The following ABCA12 variants were observed in gnomAD, a reference collection of about 807,000 sequenced individuals.
ABCA12 encodes the protein glucosylceramide transporter ABCA12.
A neutral mutation model predicts 293.5 loss-of-function variants in ABCA12; 156 were observed. The observed-to-expected ratio is 0.53, with a 90% CI of 0.47 to 0.61. The LOEUF is 0.61. Ranked by LOEUF, ABCA12 falls within the 20% of genes least tolerant of loss-of-function variation. The pLI is 0.00. For synonymous variants in ABCA12, 1,063 were observed against 1,108.0 expected (o/e 0.96, Z 0.81); for missense variants, 2,797 against 3,090.2 (o/e 0.91, Z 2.25).
At chr2:215,044,055 T>C (rs1701155090) in intron 7 of ABCA12, among the ~76,000 whole-genome samples, 1 of 141,852 alleles carries the variant, frequency 7.0e-6, no homozygotes, top group Admixed American at 6.6e-5. Flanking sequence ...CCACAATTTG[T>C]TTTGCCATTT....
intron 1 of ABCA12, among the ~76,000 whole-genome samples, chr2:215,128,848 A>G (rs963449445): frequency 1.3e-5 from 2 of 151,820 alleles, no homozygotes; most frequent in Non-Finnish European, 2.9e-5. Context: ...AACTAGTGTG[A>G]TTTTCTGGGG....
chr2:215,100,066 G>C (rs1702325784), intron 2 of ABCA12, among the ~76,000 whole-genome samples: 1 of 150,912 alleles, frequency 6.6e-6, no homozygotes. Context: ...CAGGCCTGGA[G>C]TACAGTGGCA....
chr2:214,958,556 G>A (rs1699022735), intron 40 of ABCA12, 102 bp from the exon 41 acceptor site: 1 of 1,302,978 alleles, frequency 7.7e-7, no homozygotes, highest in East Asian at 2.5e-5. Flanking sequence ...CAGTACAAGA[G>A]TTGGCTGTGA....
chr2:215,011,773 T>A, intron 16 of ABCA12, 124 bp from the exon 17 acceptor site: 1 of 1,166,698 alleles, frequency 8.6e-7, no homozygotes, highest in Non-Finnish European at 1.3e-6. Context: ...TCCTTTTATA[T>A]GTTTATTCCA....
intron 45 of ABCA12, among the ~76,000 whole-genome samples, chr2:214,949,377 T>TACACACAC (rs368602071): frequency 1.4e-3 from 196 of 143,130 alleles, no homozygotes; most frequent in African/African-American, 4.8e-3. Flanking sequence ...TATATATATA[T>TACACACAC]ACACACACAC....
chr2:215,075,745 C>T lies in ABCA12; in HGVS notation c.164-11526G>A, dbSNP rs1701822471. ...GGAGAAAACAAATTTTAGTAATTAC[C>T]CCAATAGAGGTATGTTACTAACAAC... On this transcript the variant is annotated intron_variant, in intron 2 of 52. Transcript: ENST00000272895. 16 of 571,470 alleles carry T rather than the reference C, an allele frequency of 2.8e-5. No homozygotes were observed. The South Asian group carries it at 3.5e-4, about 12-fold the overall frequency. 35.4% of individuals were successfully genotyped at this position (571,470 alleles called of 1,614,324 possible).
chr2:214,935,818 A>G lies in ABCA12; in HGVS notation c.7543-1603T>C, dbSNP rs1031562719. ...TGTCTTAAAAAAAATTTTTTTTAAG[A>G]ATTAAGAAAGCTATTCTTTCCTAGA... On this transcript the variant is annotated intron_variant, in intron 51 of 52. Transcript: ENST00000272895. 2.0e-5 allele frequency among the ~76,000 whole-genome samples: 3 copies of G among 152,188 alleles called. 1 individual carries two copies. Among genetic ancestry groups the G allele is most frequent in the Non-Finnish European group, 4.4e-5 (3 of 68,036 alleles).
At chr2:215,050,920 G>A in intron 5 of ABCA12, 1 of 555,282 alleles carries the variant, frequency 1.8e-6, no homozygotes, top group Non-Finnish European at 2.3e-6. Context: ...TCCCTTCCCT[G>A]CTCCAACTAC....
rs1345185087 is a variant in ABCA12 at position 215,012,168 on chromosome 2, TG to T, written c.1957-34del. On this transcript the variant is annotated intron_variant, in intron 15 of 52. Transcript: ENST00000272895. ...AAACAGAATAAAAATAAATGCTTTA[TG>T]TGGAAAAATTGAATCCTCATGCATT... 10 of 1,606,750 alleles carry T rather than the reference TG, an allele frequency of 6.2e-6. No homozygotes were observed. In the Admixed American group the frequency reaches 1.2e-4, roughly 19 times the overall value.
chr2:215,023,237 T>A (rs1488725566), intron 11 of ABCA12: 1 of 152,212 alleles, frequency 6.6e-6, no homozygotes, highest in Admixed American at 6.5e-5. Flanking sequence ...GTACTGAGTG[T>A]TTCCCATGTG....
intron 2 of ABCA12, among the ~76,000 whole-genome samples, chr2:215,070,178 G>C (rs1049488613): frequency 2.0e-5 from 3 of 151,974 alleles, no homozygotes; most frequent in African/African-American, 7.3e-5. Context: ...TTGTTGTAGA[G>C]CCTTTCAGTA....
rs1238540998 is a variant in ABCA12 at position 215,019,762 on chromosome 2, C to T, written c.1322G>A (p.Cys441Tyr). 1 of 1,613,572 alleles carries T rather than the reference C, an allele frequency of 6.2e-7. No individual in the cohort carries two copies. The highest frequency in any genetic ancestry group is 8.5e-7 in the Non-Finnish European group (1 of 1,180,014). The change falls in exon 12 of 53, where the codon TGT becomes TAT. Residue 441 changes from cysteine (C) to tyrosine (Y), a missense_variant. Coordinates refer to ENST00000272895, the MANE Select transcript of ABCA12 (RefSeq NM_173076.3). ...TATCAAACTGAAAGTTTCAGATTCA[C>T]AAAGAAGTTCGGTCAAGTTTCGAAG... is the stretch of plus-strand genomic sequence containing the variant. ...SQLRNLTELLCESETFSLIEK... is the reference protein window; with the variant it reads ...SQLRNLTELLYESETFSLIEK...
At chr2:215,071,816 A>G (rs1360463381) in intron 2 of ABCA12, among the ~76,000 whole-genome samples, 1 of 152,152 alleles carries the variant, frequency 6.6e-6, no homozygotes, top group African/African-American at 2.4e-5. Flanking sequence ...TCTCTGCTCG[A>G]CCTGGTCTCC....
At chr2:215,070,913 G>A (rs1701723612) in intron 2 of ABCA12, among the ~76,000 whole-genome samples, 1 of 152,002 alleles carries the variant, frequency 6.6e-6, no homozygotes, top group Non-Finnish European at 1.5e-5. Context: ...AGGAGCAGAG[G>A]CTCACACCTA....
chr2:215,018,315 T>A (rs183208750), intron 13 of ABCA12, among the ~76,000 whole-genome samples, 183 bp from the exon 14 acceptor site: 1 of 152,326 alleles, frequency 6.6e-6, no homozygotes, highest in Non-Finnish European at 1.5e-5. Context: ...AGATTTGTTC[T>A]TATTATTATA....
At chr2:214,982,503 C>T (rs1011198268) in intron 29 of ABCA12, 120 bp from the exon 30 acceptor site, 8 of 734,326 alleles carry the variant, frequency 1.1e-5, no homozygotes, top group Non-Finnish European at 1.8e-5. Flanking sequence ...CAGTAAGGTA[C>T]AATAAACTCT....
chr2:215,027,738 G>C (rs1356883680), intron 9 of ABCA12, among the ~76,000 whole-genome samples: 1 of 152,130 alleles, frequency 6.6e-6, no homozygotes, highest in African/African-American at 2.4e-5. Context: ...TTGAAAGCTA[G>C]GGGGCTAGAT....
In ABCA12 at chr2:215,030,520, C is replaced by T. The variant is rs549211504; in HGVS notation, c.1061+1301G>A. On this transcript the variant is annotated intron_variant, in intron 9 of 52. Coordinates refer to ENST00000272895, the MANE Select transcript of ABCA12 (RefSeq NM_173076.3). The stretch of plus-strand genomic sequence containing the variant: ...TTGGGAGGCTGAGGCAGGAGAATGG[C>T]GTGAAGCCGGGAGGCGGAGCTTGCA... Among the ~76,000 whole-genome samples, 35 of 150,464 alleles carry T rather than the reference C, an allele frequency of 2.3e-4. 1 individual carries two copies. The South Asian group carries it at 7.0e-3, about 30-fold the overall frequency.
chr2:215,005,264 A>G (rs1700228236), intron 19 of ABCA12, among the ~76,000 whole-genome samples: 1 of 152,244 alleles, frequency 6.6e-6, no homozygotes, highest in African/African-American at 2.4e-5. Context: ...GAGAGAATTC[A>G]ACTCAATTAA....
Sources: gnomAD v4.1 joint callset for allele counts (sites outside exome capture counted in the v4.1 genomes callset) on GRCh38, gnomAD v4.1.1 for gene constraint, MANE v1.5 for transcripts, NCBI Gene and HGNC (gene_info 2026-07-23, HGNC 2026-07-21) for gene names.